Variants in ASGR2 observed in about 807,000 individuals in gnomAD.
ASGR2 encodes C-type lectin domain family 4 member H2.
Under a neutral mutation model 32.3 loss-of-function variants are expected in ASGR2, and 34 were observed. That is an observed-to-expected ratio of 1.05 (90% CI 0.80 to 1.40). The LOEUF (loss-of-function observed/expected upper bound fraction) is 1.40, where lower values mean the gene tolerates loss of function less well. Ranked by LOEUF, ASGR2 falls within the 40% of genes most tolerant of loss-of-function variation. ASGR2 has a pLI of 0.00. For missense variants in ASGR2, 385 were observed against 386.4 expected (o/e 1.00, Z 0.03); for synonymous variants, 143 against 150.0 (o/e 0.95, Z 0.34).
chr17:7,114,782 A>G lies in ASGR2; in HGVS notation c.-238T>C, dbSNP rs900067025. 102 of 990,554 alleles carry G rather than the reference A, an allele frequency of 1.0e-4. No individual in the cohort carries two copies. The highest frequency in any genetic ancestry group is 1.2e-4 in the Non-Finnish European group (98 of 833,124). The allele number at this position is 990,554 out of a possible 1,614,324, so 61.4% of individuals were successfully genotyped here. ...CTGCACTGGAGGGTCTGAGTGTCCA[A>G]GCTCTAACCTGGCACCTCCTGGCCT... On this transcript the variant is annotated 5_prime_UTR_variant, in exon 1 of 9. Coordinates refer to ENST00000691900, the MANE Select transcript of ASGR2 (RefSeq NM_001201352.2). This position sits in a 1 kb window ranked among gnomAD's most constrained non-coding sequence, Gnocchi z 4.5.
chr17:7,114,144 G>T lies in ASGR2; in HGVS notation c.97C>A (p.Pro33Thr). The change falls in exon 2 of 9, where the codon CCC (proline) becomes ACC (threonine). Residue 33 changes from proline to threonine, a missense_variant. Physicochemically the swap from Pro to Thr is conservative, Grantham distance 38. Transcript: ENST00000691900. This position sits in a 1 kb window ranked among gnomAD's most constrained non-coding sequence, Gnocchi z 4.5. ...GEGPGTRRLNPRRGNPFLKGP... is the reference protein window; with the variant it reads ...GEGPGTRRLNTRRGNPFLKGP... The stretch of plus-strand genomic sequence containing the variant: ...TTCAAAAATGGATTTCCTCTCCTGG[G>T]ATTCAGCCTGCGAGTGCCTGGCCCC... The T allele has an allele frequency of 6.2e-7, 1 of 1,614,218 alleles. No homozygotes were observed. The highest frequency in any genetic ancestry group is 8.5e-7 in the Non-Finnish European group (1 of 1,180,036).
Position 7,114,273 on chromosome 17 carries a change from T to TGGGCA in ASGR2, c.-34_-33insTGCCC. On this transcript the variant is annotated 5_prime_UTR_variant, in exon 2 of 9. Transcript: ENST00000691900. The surrounding 1 kb of genome is among the most constrained non-coding windows in gnomAD (Gnocchi z 4.5). ...CCCGGGCTGGAGCTGGAGCTGGAGCTGGGCTGGGCTGGGCTGAGGTTGCTC... is the reference window on the plus strand; with the variant it reads ...CCCGGGCTGGAGCTGGAGCTGGAGCTGGGCAGGGCTGGGCTGGGCTGAGGTTGCTC... 6.5e-7 allele frequency: 1 copy of TGGGCA among 1,526,736 alleles called. No individual in the cohort carries two copies. The highest frequency in any genetic ancestry group is 8.9e-7 in the Non-Finnish European group (1 of 1,125,884). 94.6% of individuals were successfully genotyped at this position (1,526,736 alleles called of 1,614,324 possible). A position where few individuals can be genotyped will look rare whatever the true frequency, so the allele number is the denominator to read the frequency against.
At chr17:7,114,879 G>T (rs1311031158), upstream of ASGR2, 24 of 985,782 alleles carry the variant, frequency 2.4e-5, no homozygotes, top group Non-Finnish European at 2.5e-5. The surrounding 1 kb of genome is among the most constrained non-coding windows in gnomAD (Gnocchi z 4.5). Context: ...AGGGGACGGG[G>T]CTATCTCTGT....
intron 7 of ASGR2, 105 bp from the exon 8 acceptor site, chr17:7,102,301 G>A: frequency 1.1e-6 from 1 of 928,962 alleles, no homozygotes; most frequent in South Asian, 1.4e-5. Flanking sequence ...AGCCTGATCT[G>A]CCCTCAGGCT....
chr17:7,108,362 C>T lies in ASGR2; in HGVS notation c.337+100G>A. 7.6e-7 allele frequency: 1 copy of T among 1,313,724 alleles called. No homozygotes were observed. Among genetic ancestry groups the T allele is most frequent in the Non-Finnish European group, 1.0e-6 (1 of 955,340 alleles). The allele number at this position is 1,313,724 out of a possible 1,614,324, so 81.4% of individuals were successfully genotyped here. A position where few individuals can be genotyped will look rare whatever the true frequency, so the allele number is the denominator to read the frequency against. The stretch of plus-strand genomic sequence containing the variant: ...AGGGCCCCTGGACGCCTTGCCCAGC[C>T]TGCACCCCCACGGCACCCCACACAG... On this transcript the variant is annotated intron_variant, in intron 4 of 8. Coordinates refer to ENST00000691900, the MANE Select transcript of ASGR2 (RefSeq NM_001201352.2). This position sits in a 1 kb window ranked among gnomAD's most constrained non-coding sequence, Gnocchi z 4.9.
rs764054569 is a variant in ASGR2 at position 7,114,250 on chromosome 17, C to T, written c.-10G>A. On this transcript the variant is annotated 5_prime_UTR_variant, in exon 2 of 9. Transcript: ENST00000691900. This position sits in a 1 kb window ranked among gnomAD's most constrained non-coding sequence, Gnocchi z 4.5. Reference sequence around the variant, plus strand: ...GAAAGTCCTTGGCCATGATGGGGCCCGGGCTGGAGCTGGAGCTGGAGCTGG... The same window carrying T: ...GAAAGTCCTTGGCCATGATGGGGCCTGGGCTGGAGCTGGAGCTGGAGCTGG... The T allele has an allele frequency of 1.9e-5, 30 of 1,610,452 alleles. No individual in the cohort carries two copies. Among genetic ancestry groups the T allele is most frequent in the South Asian group, 1.6e-4 (15 of 91,004 alleles).
chr17:7,109,506 C>T (rs2151727223), intron 2 of ASGR2, among the ~76,000 whole-genome samples: 1 of 152,222 alleles, frequency 6.6e-6, no homozygotes, highest in Non-Finnish European at 1.5e-5. Context: ...CACCTGTTGT[C>T]CTCATCCCCC....
chr17:7,106,223 G>A (rs1913666503), intron 7 of ASGR2, among the ~76,000 whole-genome samples: 1 of 152,166 alleles, frequency 6.6e-6, no homozygotes, highest in Non-Finnish European at 1.5e-5. Context: ...CAAAAGGATG[G>A]ACAGAGATAC....
At position 7,104,965 on chromosome 17, in the gene ASGR2, G is replaced by A. The variant is rs900870247; in HGVS notation, c.648+2035C>T. On this transcript the variant is annotated intron_variant, in intron 7 of 8. Transcript: ENST00000691900. ...CACTCCAGCCTGGGCGACAGAGCAA[G>A]ACTCCATCTCAAAAAAAAAAAAAAT... Among the ~76,000 whole-genome samples the A allele has an allele frequency of 1.2e-3, 173 of 144,130 alleles. 1 individual carries two copies. The highest frequency in any genetic ancestry group is 4.2e-3 in the African/African-American group (162 of 38,210). 94.6% of individuals were successfully genotyped at this position (144,130 alleles called of 152,430 possible). A position where few individuals can be genotyped will look rare whatever the true frequency, so the allele number is the denominator to read the frequency against.
chr17:7,112,128 A>G (rs1196130310), intron 2 of ASGR2, among the ~76,000 whole-genome samples: 1 of 122,944 alleles, frequency 8.1e-6, no homozygotes, highest in African/African-American at 3.2e-5. Flanking sequence ...ATGAACAGCA[A>G]TAACTCTATA....
chr17:7,107,783 C>CATG lies in ASGR2; in HGVS notation c.409+52_409+53insCAT. ...ACCGCACACGTACACACTACACACA[C>CATG]CGCACACGTACACATGCACGCACAT... On this transcript the variant is annotated intron_variant, in intron 5 of 8. Transcript: ENST00000691900. This position sits in a 1 kb window ranked among gnomAD's most constrained non-coding sequence, Gnocchi z 5.0. 6.6e-7 allele frequency: 1 copy of CATG among 1,509,354 alleles called. No individual in the cohort carries two copies. Among genetic ancestry groups the CATG allele is most frequent in the Non-Finnish European group, 9.0e-7 (1 of 1,110,374 alleles). 93.5% of individuals were successfully genotyped at this position (1,509,354 alleles called of 1,614,324 possible). A position where few individuals can be genotyped will look rare whatever the true frequency, so the allele number is the denominator to read the frequency against.
At position 7,108,629 on chromosome 17, in the gene ASGR2, C is replaced by T. The variant is rs1256646313; in HGVS notation, c.242-72G>A. 6.2e-7 allele frequency: 1 copy of T among 1,601,160 alleles called. No homozygotes were observed. The highest frequency in any genetic ancestry group is 8.5e-7 in the Non-Finnish European group (1 of 1,171,924). On this transcript the variant is annotated intron_variant, in intron 3 of 8. Transcript: ENST00000691900. The surrounding 1 kb of genome is among the most constrained non-coding windows in gnomAD (Gnocchi z 4.9). ...CCCATCACTGTCCATGTGACTGGCC[C>T]CTCAATGTCCCCGCATTTGCCCCAG...
Position 7,109,209 on chromosome 17 carries a change from C to CG in ASGR2, c.125-322dup, listed in dbSNP as rs199548309. On this transcript the variant is annotated intron_variant, in intron 2 of 8. Transcript: ENST00000691900. Reference sequence around the variant, plus strand: ...GGGGGACTGGGAGACGCACAGGGGGCGGGGGGGCAGACCCGGCCCTGCCTA... The same window carrying CG: ...GGGGGACTGGGAGACGCACAGGGGGCGGGGGGGGCAGACCCGGCCCTGCCTA... 1.7e-4 allele frequency among the ~76,000 whole-genome samples: 25 copies of CG among 150,946 alleles called. No individual in the cohort carries two copies. In the South Asian group the frequency reaches 1.9e-3, roughly 11 times the overall value.
At chr17:7,105,006 G>C (rs1298170554) in intron 7 of ASGR2, among the ~76,000 whole-genome samples, 1 of 146,042 alleles carries the variant, frequency 6.8e-6, no homozygotes, top group Non-Finnish European at 1.5e-5. Context: ...TTTTTTTTCA[G>C]ATACAACACT....
Position 7,114,800 on chromosome 17 carries a change from C to T in ASGR2, c.-256G>A. ...GTGTCCAAGCTCTAACCTGGCACCT[C>T]CTGGCCTGGGACTTTGGACAGTAAA... On this transcript the variant is annotated 5_prime_UTR_variant, in exon 1 of 9. Transcript: ENST00000691900. This position sits in a 1 kb window ranked among gnomAD's most constrained non-coding sequence, Gnocchi z 4.5. The T allele has an allele frequency of 1.0e-6, 1 of 989,858 alleles. No individual in the cohort carries two copies. 61.3% of individuals were successfully genotyped at this position (989,858 alleles called of 1,614,324 possible). A position where few individuals can be genotyped will look rare whatever the true frequency, so the allele number is the denominator to read the frequency against.
chr17:7,114,073 G>C lies in ASGR2; in HGVS notation c.124+44C>G. 6.2e-7 allele frequency: 1 copy of C among 1,611,682 alleles called. No homozygotes were observed. Among genetic ancestry groups the C allele is most frequent in the East Asian group, 2.2e-5 (1 of 44,886 alleles). On this transcript the variant is annotated intron_variant, in intron 2 of 8. Coordinates refer to ENST00000691900, the MANE Select transcript of ASGR2 (RefSeq NM_001201352.2). This position sits in a 1 kb window ranked among gnomAD's most constrained non-coding sequence, Gnocchi z 4.5. The stretch of plus-strand genomic sequence containing the variant: ...CCTCAAAGGGACAGAGCAATCATGA[G>C]CTGAGACAGAGGGGGAGCAAAGCCG...
rs201547150 is a variant in ASGR2 at position 7,113,440 on chromosome 17, ACT to A, written c.124+675_124+676del. ...TACACACACGCACAACATACACAAC[ACT>A]CACACAACACACAAACATACATACA... is the stretch of plus-strand genomic sequence containing the variant. On this transcript the variant is annotated intron_variant, in intron 2 of 8. Coordinates refer to ENST00000691900, the MANE Select transcript of ASGR2 (RefSeq NM_001201352.2). The surrounding 1 kb of genome is among the most constrained non-coding windows in gnomAD (Gnocchi z 5.1). Among the ~76,000 whole-genome samples the A allele has an allele frequency of 0.014, 2,133 of 148,562 alleles. 19 individuals carry two copies. The highest frequency in any genetic ancestry group is 0.02 in the African/African-American group (816 of 39,928).
Position 7,114,512 on chromosome 17 carries a change from A to T in ASGR2, c.-71+103T>A, listed in dbSNP as rs1597400600. 1.6e-6 allele frequency: 2 copies of T among 1,269,680 alleles called. No homozygotes were observed. Among genetic ancestry groups the T allele is most frequent in the East Asian group, 7.2e-5 (2 of 27,752 alleles). The allele number at this position is 1,269,680 out of a possible 1,614,324, so 78.7% of individuals were successfully genotyped here. On this transcript the variant is annotated intron_variant, in intron 1 of 8. Transcript: ENST00000691900. The surrounding 1 kb of genome is among the most constrained non-coding windows in gnomAD (Gnocchi z 4.5). ...AGGAGACCCCTCCCCACGCTCATGG[A>T]CCCGACCACCCACAGCTTCCCATGG...
In ASGR2 at chr17:7,107,208, C is replaced by T. The variant is rs374542320; in HGVS notation, c.496+23G>A. ...CAGCCGGAGGGGCAGGCACACTGGG[C>T]CTGGAGACGGCCCCACCCCTACCGT... On this transcript the variant is annotated intron_variant, in intron 6 of 8. Coordinates refer to ENST00000691900, the MANE Select transcript of ASGR2 (RefSeq NM_001201352.2). The surrounding 1 kb of genome is among the most constrained non-coding windows in gnomAD (Gnocchi z 5.0). The T allele has an allele frequency of 1.2e-6, 2 of 1,614,042 alleles. No individual in the cohort carries two copies. Among genetic ancestry groups the T allele is most frequent in the African/African-American group, 2.7e-5 (2 of 74,928 alleles).
Sources: gnomAD v4.1 joint callset for allele counts (sites outside exome capture counted in the v4.1 genomes callset) on GRCh38, gnomAD v4.1.1 for gene constraint, Gnocchi (gnomAD v3.1) non-coding constraint, MANE v1.5 for transcripts, NCBI Gene and HGNC (gene_info 2026-07-23, HGNC 2026-07-21) for gene names.